The following SSC5D variants were observed in gnomAD, a reference collection of about 807,000 sequenced individuals.
SSC5D encodes soluble scavenger receptor cysteine-rich domain-containing protein SSC5D.
Under a neutral mutation model 104.6 loss-of-function variants are expected in SSC5D, and 106 were observed. The observed-to-expected ratio is 1.01, with a 90% CI of 0.87 to 1.19. The LOEUF (loss-of-function observed/expected upper bound fraction) is 1.19. SSC5D is among the 50% of genes most tolerant of loss of function. The probability of loss-of-function intolerance (pLI) is 0.00; values close to 1 mark genes in which losing one functional copy is unlikely to be tolerated. For synonymous variants in SSC5D, 860 were observed against 883.5 expected, an observed-to-expected ratio of 0.97 and a Z score of 0.47; for missense variants, 1,993 against 2,153.8, an observed-to-expected ratio of 0.93 and a Z score of 1.48.
At chr19:55,511,762 T>G (rs1250735154) in intron 12 of SSC5D, among the ~76,000 whole-genome samples, 1 of 151,868 alleles carries the variant, frequency 6.6e-6, no homozygotes, top group Non-Finnish European at 1.5e-5. Flanking sequence ...AGGAAGATGG[T>G]GTCTGTGGGC....
At chr19:55,489,117 TG>T in intron 2 of SSC5D, 85 bp downstream of exon 2, 1 of 846,692 alleles carries the variant, frequency 1.2e-6, no homozygotes, top group South Asian at 2.0e-5. Context: ...TCACCCCCAC[TG>T]GGTCCCCGGC....
Position 55,518,720 on chromosome 19 carries a change from G to T in SSC5D, c.4444G>T (p.Val1482Phe). Residue 1482 changes from valine (V) to phenylalanine (F), a missense_variant, in exon 14 of 14, where the codon GTC becomes TTC. This residue lies in a region of SSC5D where 349 missense variants were observed against 397.6 expected (regional missense o/e 0.88). Coordinates refer to ENST00000389623, the MANE Select transcript of SSC5D (RefSeq NM_001144950.2). ...PCVAPTPPVRVMACEPPALVE... is the reference protein window; with the variant it reads ...PCVAPTPPVRFMACEPPALVE... ...TGTGGCCCCAACACCACCTGTAAGG[G>T]TCATGGCTTGTGAGCCACCTGCCCT... 3 of 1,551,066 alleles carry T rather than the reference G, an allele frequency of 1.9e-6. No homozygotes were observed. The highest frequency in any genetic ancestry group is 2.4e-5 in the South Asian group (2 of 84,046).
intron 6 of SSC5D, chr19:55,492,798 T>C (rs936917613): frequency 2.6e-5 from 4 of 151,984 alleles, no homozygotes; most frequent in African/African-American, 9.7e-5. Flanking sequence ...TTTGGGAGGA[T>C]TTCTTGAGGC....
rs370739647 is a variant in SSC5D at position 55,503,065 on chromosome 19, G to A, written c.2785+1864G>A. 7.2e-5 allele frequency among the ~76,000 whole-genome samples: 11 copies of A among 151,990 alleles called. No homozygotes were observed. Among genetic ancestry groups the A allele is most frequent in the East Asian group, 5.8e-4 (3 of 5,150 alleles). ...CCTGACCTCGTGATCCGCCTGCCTC[G>A]GCCTCCCAAAGTGCTGGGATTACAG... is the stretch of plus-strand genomic sequence containing the variant. On this transcript the variant is annotated intron_variant, in intron 12 of 13. Coordinates refer to ENST00000389623, the MANE Select transcript of SSC5D (RefSeq NM_001144950.2). The surrounding 1 kb of genome is among the most constrained non-coding windows in gnomAD (Gnocchi z 4.0).
rs1485185511 is a variant in SSC5D at position 55,503,273 on chromosome 19, C to G, written c.2785+2072C>G. On this transcript the variant is annotated intron_variant, in intron 12 of 13. Transcript: ENST00000389623. This position sits in a 1 kb window ranked among gnomAD's most constrained non-coding sequence, Gnocchi z 4.0. Reference sequence around the variant, plus strand: ...GTATCTTCCGTCCTCTTGTCTTTCACTTTCAGTTCTCAGCTTCGCCACCTG... The same window carrying G: ...GTATCTTCCGTCCTCTTGTCTTTCAGTTTCAGTTCTCAGCTTCGCCACCTG... Among the ~76,000 whole-genome samples, 1 of 152,180 alleles carries G rather than the reference C, an allele frequency of 6.6e-6. No homozygotes were observed. The highest frequency in any genetic ancestry group is 1.5e-5 in the Non-Finnish European group (1 of 68,042).
At chr19:55,505,394 A>G (rs892825194) in intron 12 of SSC5D, among the ~76,000 whole-genome samples, 4 of 151,784 alleles carry the variant, frequency 2.6e-5, no homozygotes, top group Admixed American at 1.3e-4. Context: ...TCTCTGCTAG[A>G]CTTTAAGCTC....
chr19:55,488,708 C>A, intron 1 of SSC5D, 94 bp downstream of exon 1: 1 of 1,120,890 alleles, frequency 8.9e-7, no homozygotes, highest in Non-Finnish European at 1.3e-6. Context: ...ACTTCCGGGA[C>A]TGGTCGCTGG....
rs114438653 is a variant in SSC5D at position 55,489,673 on chromosome 19, C to T, written c.361+11C>T. ...GCGTCGTCTGCGCAGGTGAGGACAC[C>T]CTGGCTGCTCCTTCAGGGGGAGCTC... is the stretch of plus-strand genomic sequence containing the variant. On this transcript the variant is annotated intron_variant, in intron 3 of 13. Transcript: ENST00000389623. 3 of 1,528,108 alleles carry T rather than the reference C, an allele frequency of 2.0e-6. No homozygotes were observed. Among genetic ancestry groups the T allele is most frequent in the African/African-American group, 2.7e-5 (2 of 72,786 alleles). 94.7% of individuals were successfully genotyped at this position (1,528,108 alleles called of 1,614,324 possible).
chr19:55,516,212 T>C (rs899972753), intron 13 of SSC5D, among the ~76,000 whole-genome samples: 4 of 149,796 alleles, frequency 2.7e-5, no homozygotes, highest in African/African-American at 9.8e-5. Context: ...AAAATGTAAC[T>C]GAAGGCCGGG....
In SSC5D at chr19:55,518,868, C is replaced by T. The variant is rs1365843079; in HGVS notation, c.4592C>T (p.Ala1531Val). The T allele has an allele frequency of 1.3e-6, 2 of 1,550,202 alleles. No homozygotes were observed. The highest frequency in any genetic ancestry group is 2.4e-5 in the East Asian group (1 of 40,910). Residue 1531 changes from alanine (A) to valine (V), a missense_variant, in exon 14 of 14, where the codon GCT becomes GTT. This residue lies in a region of SSC5D where 349 missense variants were observed against 397.6 expected (regional missense o/e 0.88). Coordinates refer to ENST00000389623, the MANE Select transcript of SSC5D (RefSeq NM_001144950.2). ...CTGGGGCTGACGCAGCTGGTAGAAG[C>T]TGCCCGGGGTCTGGGGCAGCTGGGT... ...LLLGLTQLVE[A>V]ARGLGQLGEA...
In SSC5D at chr19:55,488,510, C is replaced by A. The variant is rs553559861; in HGVS notation, c.-80C>A. 990 of 1,332,178 alleles carry A rather than the reference C, an allele frequency of 7.4e-4. 5 individuals carry two copies. Among genetic ancestry groups the A allele is most frequent in the Middle Eastern group, 1.6e-3 (9 of 5,504 alleles). 82.5% of individuals were successfully genotyped at this position (1,332,178 alleles called of 1,614,324 possible). A position where few individuals can be genotyped will look rare whatever the true frequency, so the allele number is the denominator to read the frequency against. ...CCTCCAGCAGGCACTTCCCTCCCTC[C>A]CTCTCTCCCCAGCTGCCTCCTCCTC... On this transcript the variant is annotated 5_prime_UTR_variant, in exon 1 of 14. Transcript: ENST00000389623.
Position 55,493,612 on chromosome 19 carries a change from C to T in SSC5D, c.913C>T (p.Arg305Cys), listed in dbSNP as rs1987213743. The change falls in exon 7 of 14, where the codon CGC becomes TGC. Residue 305 changes from arginine to cysteine, a missense_variant. Arg to Cys is a radical substitution (Grantham distance 180, BLOSUM62 -3). Transcript: ENST00000389623. Reference sequence around the variant, plus strand: ...CTATCCAGGCCCAGCACCTCGGCTGCGCCTGGCCGATGGCCCCCACGGGTG... The same window carrying T: ...CTATCCAGGCCCAGCACCTCGGCTGTGCCTGGCCGATGGCCCCCACGGGTG... ...LVCTGPAPRL[R>C]LADGPHGCAG... The T allele has an allele frequency of 2.0e-6, 3 of 1,466,682 alleles. No homozygotes were observed. The highest frequency in any genetic ancestry group is 2.6e-5 in the Admixed American group (1 of 37,926). The allele number at this position is 1,466,682 out of a possible 1,614,324, so 90.9% of individuals were successfully genotyped here.
chr19:55,494,722 G>A lies in SSC5D; in HGVS notation c.1326G>A (p.Thr442=), dbSNP rs61733818. ...PSTMTSQAPG[T]AGVSPPPASP... ...CCATGACGAGCCAGGCTCCAGGGAC[G>A]GCAGGCGTTTCACCTCCTCCAGCCT... The change falls in exon 8 of 14, where the codon ACG becomes ACA. Residue 442 remains threonine, a synonymous_variant. Transcript: ENST00000389623. 1.0e-3 allele frequency: 1,608 copies of A among 1,550,252 alleles called. 14 individuals are homozygous for A. In the African/African-American group the frequency reaches 0.018, roughly 17 times the overall value.
chr19:55,489,160 G>C (rs1468515569), intron 2 of SSC5D, 128 bp downstream of exon 2: 1 of 918,936 alleles, frequency 1.1e-6, no homozygotes, highest in Non-Finnish European at 1.5e-6. Flanking sequence ...CTTGGCCCCA[G>C]CTCCGCAAGG....
At chr19:55,493,990 GGGGGT>G in intron 7 of SSC5D, 78 bp downstream of exon 7, 3 of 309,206 alleles carry the variant, frequency 9.7e-6, no homozygotes, top group East Asian at 1.2e-4. Context: ...GCGGGGGCGG[GGGGGT>G]CCCTACGCGC....
At chr19:55,507,339 CA>C (rs36021371) in intron 12 of SSC5D, among the ~76,000 whole-genome samples, 205 of 32,762 alleles carry the variant, frequency 6.3e-3, no homozygotes, top group African/African-American at 7.6e-3. Flanking sequence ...GACCCCGTCT[CA>C]AAAAAAAAAA....
intron 12 of SSC5D, among the ~76,000 whole-genome samples, chr19:55,507,685 A>AAAAG (rs1568482718): frequency 6.6e-6 from 1 of 151,278 alleles, no homozygotes; most frequent in Non-Finnish European, 1.5e-5. Context: ...AAAAAAAAAA[A>AAAAG]AAAGAAAAAA....
At position 55,498,032 on chromosome 19, in the gene SSC5D, C is replaced by A; in HGVS notation, c.1540C>A (p.Gln514Lys). 6.4e-7 allele frequency: 1 copy of A among 1,551,750 alleles called. No homozygotes were observed. Among genetic ancestry groups the A allele is most frequent in the Non-Finnish European group, 8.7e-7 (1 of 1,147,026 alleles). The change falls in exon 9 of 14, where the codon CAG becomes AAG. Residue 514 changes from glutamine (Q) to lysine (K), a missense_variant. Around this residue, in one of 6 missense-constraint regions of SSC5D, gnomAD observed 1,101 missense variants for 1,085.0 expected, o/e 1.01. Coordinates refer to ENST00000389623, the MANE Select transcript of SSC5D (RefSeq NM_001144950.2). Reference protein sequence around the residue: ...VCRELGCGGPQQPDPAAGRFG... With the variant: ...VCRELGCGGPKQPDPAAGRFG... Reference sequence around the variant, plus strand: ...CCGGGAGCTGGGCTGTGGTGGACCTCAGCAGCCAGACCCTGCTGCTGGCCG... The same window carrying A: ...CCGGGAGCTGGGCTGTGGTGGACCTAAGCAGCCAGACCCTGCTGCTGGCCG...
intron 8 of SSC5D, among the ~76,000 whole-genome samples, chr19:55,497,348 A>G (rs1465799159): frequency 6.6e-6 from 1 of 152,226 alleles, no homozygotes; most frequent in Non-Finnish European, 1.5e-5. Flanking sequence ...AGAAGAAAAA[A>G]ACCCTTATTA....
Sources: gnomAD v4.1 joint callset for allele counts (sites outside exome capture counted in the v4.1 genomes callset) on GRCh38, gnomAD v4.1.1 for gene constraint, gnomAD v4.1.1 regional missense constraint, Gnocchi (gnomAD v3.1) non-coding constraint, MANE v1.5 for transcripts, NCBI Gene and HGNC (gene_info 2026-07-23, HGNC 2026-07-21) for gene names.